The following OR1J2 variants were observed in gnomAD, a reference collection of about 807,000 sequenced individuals.
OR1J2 encodes olfactory receptor 1J2.
For synonymous variants in OR1J2, 142 were observed against 99.7 expected (o/e 1.42, Z -2.52); for missense variants, 304 against 246.1 (o/e 1.24, Z -1.57).
chr9:122,564,962 G>A, the OR1J2 span, among the ~76,000 whole-genome samples: 2 of 152,128 alleles, frequency 1.3e-5, no homozygotes, highest in African/African-American at 4.8e-5. Context: ...ATTAGACCTA[G>A]TGAGTCTGAA....
At chr9:122,498,312 C>G in the OR1J2 span, among the ~76,000 whole-genome samples, 1 of 152,062 alleles carries the variant, frequency 6.6e-6, no homozygotes, top group Non-Finnish European at 1.5e-5. Flanking sequence ...AAGGACTTTG[C>G]TCATTAAAAC....
the OR1J2 span, among the ~76,000 whole-genome samples, chr9:122,562,235 C>T: frequency 1.3e-5 from 2 of 152,226 alleles, no homozygotes; most frequent in Admixed American, 1.3e-4. Context: ...GCCCTTCCCC[C>T]GCCATGGGAG....
chr9:122,568,510 G>A, the OR1J2 span: 1 of 1,292,932 alleles, frequency 7.7e-7, no homozygotes, highest in Non-Finnish European at 1.1e-6. Flanking sequence ...AAGAAGTTTT[G>A]TCATTTAACA....
At chr9:122,515,095 G>A (rs528894827), downstream of OR1J2, among the ~76,000 whole-genome samples, 15 of 152,228 alleles carry the variant, frequency 9.9e-5, no homozygotes, top group Non-Finnish European at 7.4e-5. Context: ...TTTGTGCCCT[G>A]TCCCCTTGTG....
At chr9:122,532,280 C>T in the OR1J2 span, among the ~76,000 whole-genome samples, 3 of 152,104 alleles carry the variant, frequency 2.0e-5, no homozygotes, top group Non-Finnish European at 4.4e-5. Context: ...GGATAGATTT[C>T]CACGATGGAA....
At chr9:122,487,860 G>T in the OR1J2 span, among the ~76,000 whole-genome samples, 1 of 152,052 alleles carries the variant, frequency 6.6e-6, no homozygotes, top group Non-Finnish European at 1.5e-5. Context: ...ATATAAATAA[G>T]AACTTTTATT....
At chr9:122,493,896 A>G in the OR1J2 span, among the ~76,000 whole-genome samples, 1 of 152,022 alleles carries the variant, frequency 6.6e-6, no homozygotes, top group Admixed American at 6.6e-5. Context: ...AGATCACGTC[A>G]CTATTACTCA....
At chr9:122,519,154 A>T in the OR1J2 span, 3 of 1,602,358 alleles carry the variant, frequency 1.9e-6, no homozygotes, top group Admixed American at 5.0e-5. Context: ...AAGAGGGAGA[A>T]TCAGAGCAGT....
the OR1J2 span, among the ~76,000 whole-genome samples, chr9:122,489,738 T>C: frequency 6.6e-6 from 1 of 152,204 alleles, no homozygotes; most frequent in Admixed American, 6.5e-5. Context: ...CCACGTTCAA[T>C]TGAGTTCAAA....
At chr9:122,534,657 C>T in the OR1J2 span, among the ~76,000 whole-genome samples, 5 of 152,112 alleles carry the variant, frequency 3.3e-5, no homozygotes, top group South Asian at 2.1e-4. Context: ...CTAGCTCGGC[C>T]TGGCGAGGAG....
chr9:122,496,820 T>G, the OR1J2 span, among the ~76,000 whole-genome samples: 2 of 152,164 alleles, frequency 1.3e-5, no homozygotes, highest in East Asian at 3.8e-4. Flanking sequence ...TTTATCTCAG[T>G]GAGCAGAGGG....
the OR1J2 span, among the ~76,000 whole-genome samples, chr9:122,521,675 G>A: frequency 6.6e-6 from 1 of 152,134 alleles, no homozygotes; most frequent in Non-Finnish European, 1.5e-5. Flanking sequence ...GTTGGTCTAG[G>A]TAAAGCATGC....
the OR1J2 span, chr9:122,526,818 A>C: frequency 6.2e-7 from 1 of 1,614,108 alleles, no homozygotes; most frequent in South Asian, 1.1e-5. Context: ...AGCCATGAGG[A>C]ACGTGTGAGT....
chr9:122,481,419 AT>A, the OR1J2 span, among the ~76,000 whole-genome samples: 31 of 152,226 alleles, frequency 2.0e-4, no homozygotes, highest in African/African-American at 7.2e-4. Flanking sequence ...AGATGGGAGA[AT>A]ATATACTGCC....
chr9:122,579,988 T>A, the OR1J2 span, among the ~76,000 whole-genome samples: 1 of 152,158 alleles, frequency 6.6e-6, no homozygotes, highest in African/African-American at 2.4e-5. Flanking sequence ...ATTGAAACTA[T>A]TGAATTCAAG....
the OR1J2 span, among the ~76,000 whole-genome samples, chr9:122,487,438 A>G: frequency 6.9e-6 from 1 of 145,912 alleles, no homozygotes; most frequent in African/African-American, 2.6e-5. Context: ...CTCATCTGCA[A>G]GATTTTGGAG....
the OR1J2 span, among the ~76,000 whole-genome samples, chr9:122,497,705 A>G: frequency 2.0e-5 from 3 of 152,020 alleles, no homozygotes; most frequent in African/African-American, 7.2e-5. Flanking sequence ...TTCTTCTGCC[A>G]TCTTTAGGGT....
the OR1J2 span, among the ~76,000 whole-genome samples, chr9:122,574,263 G>A: frequency 1.1e-4 from 16 of 152,034 alleles, 1 homozygote; most frequent in South Asian, 3.3e-3. Flanking sequence ...GATTTTGATC[G>A]GTATTGCATG....
downstream of OR1J2, chr9:122,511,891 C>T: frequency 1.6e-6 from 1 of 619,708 alleles, no homozygotes; most frequent in Non-Finnish European, 2.9e-6. Context: ...ATTTGTTGGC[C>T]AGAATTCCAT....
Sources: allele counts gnomAD v4.1 joint callset (sites outside exome capture counted in the v4.1 genomes callset), GRCh38; gene constraint gnomAD v4.1.1; transcripts MANE v1.5; gene names NCBI Gene and HGNC (gene_info 2026-07-23, HGNC 2026-07-21).